Variants in DLGAP1 observed in about 807,000 individuals in gnomAD.
DLGAP1 encodes disks large-associated protein 1.
In DLGAP1, 11 loss-of-function variants were observed where a neutral mutation model predicts 90.8. The ratio of observed to expected loss-of-function variants is 0.12; its 90% CI spans 0.08 to 0.20. The LOEUF is 0.20. Ranked by LOEUF, DLGAP1 falls within the 10% of genes least tolerant of loss-of-function variation. The pLI is 1.00. For synonymous variants in DLGAP1, 558 were observed against 540.7 expected (o/e 1.03, Z -0.44); for missense variants, 1,050 against 1,333.8 (o/e 0.79, Z 3.31).
Position 3,724,669 on chromosome 18 carries a change from G to A in DLGAP1, c.1591+4466C>T, listed in dbSNP as rs534726633. On this transcript the variant is annotated intron_variant, in intron 7 of 12. Coordinates refer to ENST00000315677, the MANE Select transcript of DLGAP1 (RefSeq NM_004746.4). ...CTGAGGTGGGAGGATCACTTGAGGC[G>A]GAGGTTGCAGTGAGCCATGATTGCA... 1.4e-4 allele frequency among the ~76,000 whole-genome samples: 21 copies of A among 151,934 alleles called. No individual in the cohort carries two copies. In the East Asian group the frequency reaches 3.7e-3, roughly 27 times the overall value.
At position 3,499,297 on chromosome 18, in the gene DLGAP1, G is replaced by A. The variant is rs1337366758; in HGVS notation, c.2822C>T (p.Ala941Val). 1.7e-5 allele frequency: 27 copies of A among 1,585,932 alleles called. No homozygotes were observed. Among genetic ancestry groups the A allele is most frequent in the Non-Finnish European group, 2.3e-5 (27 of 1,167,302 alleles). ...CTTGGCGGCCATCAGGCGCTTGCGG[G>A]CCTCCTGGCGCTGCGAGCTCTCCAG... ...RSLESSQRQE[A>V]RKRLMAAKRA... The change falls in exon 13 of 13, where the codon GCC becomes GTC. Residue 941 changes from alanine (A) to valine (V), a missense_variant. This residue lies in a region of DLGAP1 where 565 missense variants were observed against 879.7 expected (regional missense o/e 0.64). Transcript: ENST00000315677. This position sits in a 1 kb window ranked among gnomAD's most constrained non-coding sequence, Gnocchi z 6.4.
At position 3,655,062 on chromosome 18, in the gene DLGAP1, AACGGCCTC is replaced by A. The variant is rs1268328866; in HGVS notation, c.1592-72822_1592-72815del. ...CCAACCTTGAAACTCCAGCCCCCTG[AACGGCCTC>A]ACCACTCCAACCCCCACTGCAATTT... On this transcript the variant is annotated intron_variant, in intron 7 of 12. Coordinates refer to ENST00000315677, the MANE Select transcript of DLGAP1 (RefSeq NM_004746.4). Among the ~76,000 whole-genome samples the A allele has an allele frequency of 3.3e-5, 5 of 151,990 alleles. 1 individual carries two copies. Among genetic ancestry groups the A allele is most frequent in the Admixed American group, 1.3e-4 (2 of 15,240 alleles).
chr18:3,935,132 A>G (rs1478931522), intron 3 of DLGAP1, among the ~76,000 whole-genome samples: 1 of 148,930 alleles, frequency 6.7e-6, no homozygotes, highest in Non-Finnish European at 1.5e-5. Flanking sequence ...ACAATGCTTT[A>G]TAACACATAA....
chr18:4,013,111 T>C (rs2074457234), intron 2 of DLGAP1, among the ~76,000 whole-genome samples: 1 of 152,198 alleles, frequency 6.6e-6, no homozygotes, highest in African/African-American at 2.4e-5. Flanking sequence ...TTTAAAAAAA[T>C]TCTTTCTGTT....
At chr18:3,987,201 C>A (rs2073861208) in intron 3 of DLGAP1, among the ~76,000 whole-genome samples, 1 of 152,156 alleles carries the variant, frequency 6.6e-6, no homozygotes, top group South Asian at 2.1e-4. Context: ...AGTGTTCAGA[C>A]TGGGTTCCAA....
At chr18:4,049,912 G>GTCCGTCCATCCA (rs138466641) in intron 2 of DLGAP1, among the ~76,000 whole-genome samples, 1 of 148,698 alleles carries the variant, frequency 6.7e-6, no homozygotes, top group Admixed American at 6.7e-5. Context: ...CCATCCAACG[G>GTCCGTCCATCCA]TCCATCCATC....
chr18:3,851,400 G>A (rs557874341), intron 4 of DLGAP1, among the ~76,000 whole-genome samples: 3 of 152,160 alleles, frequency 2.0e-5, no homozygotes, highest in Non-Finnish European at 2.9e-5. Context: ...GTTTGGTTCT[G>A]AGTCAGATGA....
At chr18:4,277,817 G>C (rs476770) in intron 1 of DLGAP1, among the ~76,000 whole-genome samples, 1 of 152,020 alleles carries the variant, frequency 6.6e-6, no homozygotes. Flanking sequence ...CTGAATTTTT[G>C]TTTGTCCACA....
intron 3 of DLGAP1, among the ~76,000 whole-genome samples, chr18:3,963,583 G>GTTTT (rs35099419): frequency 8.5e-6 from 1 of 117,570 alleles, no homozygotes; most frequent in Non-Finnish European, 1.8e-5. Flanking sequence ...ACTTTGGGCT[G>GTTTT]TTTTTTTTTT....
intron 4 of DLGAP1, among the ~76,000 whole-genome samples, chr18:3,832,756 A>T (rs1159733111): frequency 6.6e-6 from 1 of 151,990 alleles, no homozygotes; most frequent in Non-Finnish European, 1.5e-5. Flanking sequence ...AACCAGCCAT[A>T]TGCTCTCAAT....
intron 2 of DLGAP1, among the ~76,000 whole-genome samples, chr18:4,100,856 C>T (rs555022568): frequency 2.0e-5 from 3 of 152,342 alleles, no homozygotes; most frequent in African/African-American, 4.8e-5. Flanking sequence ...TCAAACTTTT[C>T]TTCTGCATCT....
intron 4 of DLGAP1, among the ~76,000 whole-genome samples, chr18:3,827,820 C>T (rs1030155541): frequency 2.0e-5 from 3 of 152,160 alleles, no homozygotes; most frequent in Admixed American, 6.5e-5. Flanking sequence ...ATTGATTTCA[C>T]TACCACTAAT....
chr18:3,500,007 T>C (rs1191444329), intron 12 of DLGAP1, among the ~76,000 whole-genome samples: 1 of 152,062 alleles, frequency 6.6e-6, no homozygotes, highest in South Asian at 2.1e-4. Flanking sequence ...CAATATACAA[T>C]ATACAGGGTC....
At chr18:3,659,195 TACA>T (rs1192335710) in intron 7 of DLGAP1, among the ~76,000 whole-genome samples, 2 of 152,184 alleles carry the variant, frequency 1.3e-5, no homozygotes, top group Non-Finnish European at 2.9e-5. Flanking sequence ...CACAAAATTG[TACA>T]ACGAGTGGGA....
intron 1 of DLGAP1, among the ~76,000 whole-genome samples, chr18:4,439,310 C>T (rs2083474536): frequency 6.6e-6 from 1 of 152,202 alleles, no homozygotes; most frequent in Admixed American, 6.5e-5. Flanking sequence ...ACCTTTAAAT[C>T]CAGCTCCTTC....
intron 2 of DLGAP1, among the ~76,000 whole-genome samples, chr18:4,135,266 A>G (rs2076381142): frequency 6.6e-6 from 1 of 151,998 alleles, no homozygotes; most frequent in Non-Finnish European, 1.5e-5. Context: ...CAAACAGTAG[A>G]AGAGGGGGGA....
chr18:4,322,943 GAAAAAAAAAA>G (rs60113288), intron 1 of DLGAP1, among the ~76,000 whole-genome samples: 13 of 97,610 alleles, frequency 1.3e-4, no homozygotes, highest in African/African-American at 4.0e-4. Flanking sequence ...CCTGGGCACA[GAAAAAAAAAA>G]AAAAAAAAAA....
rs112916658 is a variant in DLGAP1 at position 3,728,148 on chromosome 18, C to T, written c.1591+987G>A. Among the ~76,000 whole-genome samples the T allele has an allele frequency of 2.7e-3, 404 of 152,076 alleles. 2 individuals are homozygous for T. The highest frequency in any genetic ancestry group is 9.2e-3 in the African/African-American group (383 of 41,496). On this transcript the variant is annotated intron_variant, in intron 7 of 12. Coordinates refer to ENST00000315677, the MANE Select transcript of DLGAP1 (RefSeq NM_004746.4). The stretch of plus-strand genomic sequence containing the variant: ...AATGGAGTGATACAATATTCTGACA[C>T]AGGCTTTTCTTTCCAATTTATTCAT...
chr18:3,560,430 A>C (rs1599241165), intron 9 of DLGAP1, among the ~76,000 whole-genome samples: 1 of 149,498 alleles, frequency 6.7e-6, no homozygotes, highest in South Asian at 2.1e-4. Flanking sequence ...AAAAAAAAAA[A>C]AAAAAAAAAA....
Sources: allele counts gnomAD v4.1 joint callset (sites outside exome capture counted in the v4.1 genomes callset), GRCh38; gene constraint gnomAD v4.1.1; regional missense constraint gnomAD v4.1.1; non-coding constraint Gnocchi (gnomAD v3.1); transcripts MANE v1.5; gene names NCBI Gene and HGNC (gene_info 2026-07-23, HGNC 2026-07-21).